The following NRIP3 variants were observed in gnomAD, a reference collection of about 807,000 sequenced individuals.
The protein encoded by NRIP3 is nuclear receptor-interacting protein 3.
A neutral mutation model predicts 29.0 loss-of-function variants in NRIP3; 31 were observed. The ratio of observed to expected loss-of-function variants is 1.07; its 90% CI spans 0.80 to 1.44. The LOEUF (loss-of-function observed/expected upper bound fraction) is 1.44. Ranked by LOEUF, NRIP3 falls within the 40% of genes most tolerant of loss-of-function variation. NRIP3 has a pLI of 0.00. For synonymous variants in NRIP3, 131 were observed against 118.3 expected, an observed-to-expected ratio of 1.11 and a Z score of -0.70; for missense variants, 314 against 297.9, an observed-to-expected ratio of 1.05 and a Z score of -0.40.
At chr11:8,983,778 A>G in intron 6 of NRIP3, 97 bp downstream of exon 6, 1 of 1,079,404 alleles carries the variant, frequency 9.3e-7, no homozygotes, top group Non-Finnish European at 1.4e-6. Flanking sequence ...AGCCAAAGAC[A>G]GGATACAACC....
At chr11:8,989,228 A>G (rs1854561705) in intron 1 of NRIP3, among the ~76,000 whole-genome samples, 1 of 152,228 alleles carries the variant, frequency 6.6e-6, no homozygotes. Flanking sequence ...GCCTCCAGAA[A>G]GTTTAAGATA....
chr11:8,985,606 T>G, intron 4 of NRIP3, 105 bp downstream of exon 4: 1 of 1,435,976 alleles, frequency 7.0e-7, no homozygotes, highest in Non-Finnish European at 9.4e-7. Context: ...GGGAACCATT[T>G]TGAAAAAGTC....
In NRIP3 at chr11:8,997,355, CAAAAAA is replaced by C. The variant is rs11324721; in HGVS notation, c.174+6401_174+6406del. On this transcript the variant is annotated intron_variant, in intron 1 of 6. Coordinates refer to ENST00000309166, the MANE Select transcript of NRIP3 (RefSeq NM_020645.3). ...CTGGTGAGAGAGCGAGACTCCGTCTCAAAAAAAAAAAAAAAAAAAAAAAGAAAGAAA... is the reference window on the plus strand; with the variant it reads ...CTGGTGAGAGAGCGAGACTCCGTCTCAAAAAAAAAAAAAAAAAGAAAGAAA... Among the ~76,000 whole-genome samples the C allele has an allele frequency of 2.8e-4, 28 of 100,858 alleles. No individual in the cohort carries two copies. The East Asian group carries it at 2.9e-3, about 10-fold the overall frequency. 66.2% of individuals were successfully genotyped at this position (100,858 alleles called of 152,430 possible).
rs886429742 is a variant in NRIP3, at chr11:9,002,116, A to G, written c.174+1646T>C. Among the ~76,000 whole-genome samples, 18 of 152,158 alleles carry G rather than the reference A, an allele frequency of 1.2e-4. 1 individual carries two copies. Among genetic ancestry groups the G allele is most frequent in the South Asian group, 4.1e-4 (2 of 4,836 alleles). Reference sequence around the variant, plus strand: ...ATCCTAGGCAGAAGGAAGTTCAGGTAGCTCTCAGGGCTAGGAAACTCCTCG... The same window carrying G: ...ATCCTAGGCAGAAGGAAGTTCAGGTGGCTCTCAGGGCTAGGAAACTCCTCG... On this transcript the variant is annotated intron_variant, in intron 1 of 6. Transcript: ENST00000309166.
chr11:8,986,427 GGAAA>G lies in NRIP3; in HGVS notation c.423-581_423-578del, dbSNP rs919001775. ...TTAACTTGTCTGTGCAGGGGAGGAA[GGAAA>G]GAAACAGTACCAAGGTTTCACATGT... On this transcript the variant is annotated intron_variant, in intron 3 of 6. Coordinates refer to ENST00000309166, the MANE Select transcript of NRIP3 (RefSeq NM_020645.3). Among the ~76,000 whole-genome samples, 3 of 152,138 alleles carry G rather than the reference GGAAA, an allele frequency of 2.0e-5. No individual in the cohort carries two copies. The South Asian group carries it at 6.2e-4, about 32-fold the overall frequency.
intron 1 of NRIP3, among the ~76,000 whole-genome samples, 186 bp downstream of exon 1, chr11:9,003,576 C>G (rs1462087913): frequency 2.0e-5 from 3 of 152,300 alleles, no homozygotes; most frequent in Middle Eastern, 3.4e-3. Context: ...AGAAAAGCTA[C>G]GACGGAATCC....
In NRIP3 at chr11:8,988,111, A is replaced by C; in HGVS notation, c.339+7T>G. 1 of 1,613,890 alleles carries C rather than the reference A, an allele frequency of 6.2e-7. No homozygotes were observed. Among genetic ancestry groups the C allele is most frequent in the Non-Finnish European group, 8.5e-7 (1 of 1,179,850 alleles). ...AAACCCTGGAAAAGCTGTTCTCAGA[A>C]CATTACCTGGCAAGAAACCAAAATC... On this transcript the variant is annotated splice_region_variant and intron_variant, in intron 2 of 6. Coordinates refer to ENST00000309166, the MANE Select transcript of NRIP3 (RefSeq NM_020645.3).
At chr11:9,002,153 C>G (rs1297447058) in intron 1 of NRIP3, among the ~76,000 whole-genome samples, 1 of 152,220 alleles carries the variant, frequency 6.6e-6, no homozygotes, top group Non-Finnish European at 1.5e-5. Flanking sequence ...CAACGAGGGA[C>G]AACCAAATCC....
rs1166109282 is a variant in NRIP3 at position 8,987,423 on chromosome 11, G to T, written c.422+125C>A. 4.0e-6 allele frequency: 3 copies of T among 752,852 alleles called. No individual in the cohort carries two copies. In the East Asian group the frequency reaches 7.4e-5, roughly 19 times the overall value. 46.6% of individuals were successfully genotyped at this position (752,852 alleles called of 1,614,324 possible). On this transcript the variant is annotated intron_variant, in intron 3 of 6. Transcript: ENST00000309166. ...TACTAAGGATTCTGGTTCCAGCTGA[G>T]ATCTGAACTCTGCATACTTCTCTTT... is the stretch of plus-strand genomic sequence containing the variant.
rs766968274 is a variant in NRIP3 at position 8,984,129 on chromosome 11, TAAAAAC to T, written c.563-11_563-6del. 1.4e-5 allele frequency: 22 copies of T among 1,603,348 alleles called. No individual in the cohort carries two copies. The highest frequency in any genetic ancestry group is 2.7e-5 in the African/African-American group (2 of 74,570). On this transcript the variant is annotated splice_polypyrimidine_tract_variant and splice_region_variant and intron_variant, in intron 4 of 6. Transcript: ENST00000309166. Reference sequence around the variant, plus strand: ...ACAAGTTTTTCTCATTGTCATCTAATAAAAACAAAAAAATGATTAAGATTTAGCCAT... The same window carrying T: ...ACAAGTTTTTCTCATTGTCATCTAATAAAAAAATGATTAAGATTTAGCCAT...
At chr11:8,990,349 TAGAC>T (rs1854579055) in intron 1 of NRIP3, among the ~76,000 whole-genome samples, 2 of 152,200 alleles carry the variant, frequency 1.3e-5, no homozygotes, top group South Asian at 2.1e-4. Flanking sequence ...CCAAATACAA[TAGAC>T]ATTTTCAGCC....
intron 1 of NRIP3, among the ~76,000 whole-genome samples, chr11:8,994,856 A>C (rs1854673647): frequency 6.6e-6 from 1 of 152,096 alleles, no homozygotes. Context: ...TCCCAGGGCA[A>C]TTTTATCTGT....
rs970079205 is a variant in NRIP3 at position 8,993,963 on chromosome 11, A to T, written c.175-5681T>A. Among the ~76,000 whole-genome samples the T allele has an allele frequency of 5.8e-4, 89 of 152,286 alleles. 1 individual carries two copies. The highest frequency in any genetic ancestry group is 3.1e-3 in the South Asian group (15 of 4,824). On this transcript the variant is annotated intron_variant, in intron 1 of 6. Coordinates refer to ENST00000309166, the MANE Select transcript of NRIP3 (RefSeq NM_020645.3). The stretch of plus-strand genomic sequence containing the variant: ...AAAGTTTTAAATTATTTACATTTTT[A>T]AAAATTTTAAATAAAAATATACCCC...
At chr11:8,991,796 A>G (rs1360298606) in intron 1 of NRIP3, among the ~76,000 whole-genome samples, 1 of 152,206 alleles carries the variant, frequency 6.6e-6, no homozygotes, top group Non-Finnish European at 1.5e-5. Context: ...CCCTCTTTGT[A>G]GTTAGGCATA....
At chr11:8,985,487 A>ACCT (rs34594094) in intron 4 of NRIP3, among the ~76,000 whole-genome samples, 86,042 of 151,228 alleles carry the variant, frequency 0.57, 24,628 homozygotes, top group South Asian at 0.77. Flanking sequence ...TTTTTATCTG[A>ACCT]CCACATTTGT....
intron 1 of NRIP3, among the ~76,000 whole-genome samples, chr11:8,998,425 TAGAA>T (rs1316178076): frequency 6.6e-6 from 1 of 152,216 alleles, no homozygotes; most frequent in Non-Finnish European, 1.5e-5. Flanking sequence ...TGCATTTTGT[TAGAA>T]AGGATTCACA....
At chr11:9,004,138 G>GCGTCCCC (rs1254348333), upstream of NRIP3, 1 of 416,970 alleles carries the variant, frequency 2.4e-6, no homozygotes. Flanking sequence ...CCCGCGTCCC[G>GCGTCCCC]CGTCCCCTGC....
intron 1 of NRIP3, among the ~76,000 whole-genome samples, chr11:8,996,589 T>A (rs940863188): frequency 1.3e-5 from 2 of 152,162 alleles, no homozygotes; most frequent in Non-Finnish European, 2.9e-5. Context: ...CCAAAAAGCC[T>A]TTCTTGATTA....
At position 8,983,758 on chromosome 11, in the gene NRIP3, T is replaced by C. The variant is rs1313493683; in HGVS notation, c.710+117A>G. The C allele has an allele frequency of 7.2e-6, 7 of 974,858 alleles. No individual in the cohort carries two copies. The East Asian group carries it at 1.7e-4, about 23-fold the overall frequency. 60.4% of individuals were successfully genotyped at this position (974,858 alleles called of 1,614,324 possible). A position where few individuals can be genotyped will look rare whatever the true frequency, so the allele number is the denominator to read the frequency against. ...GGTGTGGGGAAGGGTGGATTTGTAGTATAATTGAAAGCCAAAGACAGGATA... is the reference window on the plus strand; with the variant it reads ...GGTGTGGGGAAGGGTGGATTTGTAGCATAATTGAAAGCCAAAGACAGGATA... On this transcript the variant is annotated intron_variant, in intron 6 of 6. Transcript: ENST00000309166.
Sources: gnomAD v4.1 joint callset for allele counts (sites outside exome capture counted in the v4.1 genomes callset) on GRCh38, gnomAD v4.1.1 for gene constraint, MANE v1.5 for transcripts, NCBI Gene and HGNC (gene_info 2026-07-23, HGNC 2026-07-21) for gene names.